The following BCL2L11 variants were observed in gnomAD, a reference collection of about 807,000 sequenced individuals.
The protein encoded by BCL2L11 is BCL2 like 11.
Under a neutral mutation model 20.6 loss-of-function variants are expected in BCL2L11, and 15 were observed. That is an observed-to-expected ratio of 0.73 (90% CI 0.49 to 1.12). The LOEUF is 1.12. BCL2L11 is among the 50% of genes most tolerant of loss of function. BCL2L11 has a pLI of 0.00. For synonymous variants in BCL2L11, 108 were observed against 92.8 expected (o/e 1.16, Z -0.94); for missense variants, 292 against 260.9 (o/e 1.12, Z -0.82).
intron 2 of BCL2L11, chr2:111,145,905 T>C (rs1180488696): frequency 1.1e-6 from 1 of 942,936 alleles, no homozygotes; most frequent in Non-Finnish European, 1.3e-6. Flanking sequence ...TATAAAAGTT[T>C]TGATTAGTGG....
At position 111,123,294 on chromosome 2, in the gene BCL2L11, C is replaced by T. The variant is rs1019042353; in HGVS notation, c.-13-439C>T. The T allele has an allele frequency of 7.1e-6, 7 of 985,390 alleles. No individual in the cohort carries two copies. The South Asian group carries it at 2.8e-4, about 40-fold the overall frequency. The allele number at this position is 985,390 out of a possible 1,614,324, so 61.0% of individuals were successfully genotyped here. On this transcript the variant is annotated intron_variant, in intron 1 of 3. Transcript: ENST00000393256. ...TCAGCATTTTCGGCAAACAATGGGG[C>T]CGGAGCAGGGAACGCGGCCAGCCGC...
chr2:111,139,447 A>G (rs150635513), intron 2 of BCL2L11, among the ~76,000 whole-genome samples: 4 of 152,250 alleles, frequency 2.6e-5, no homozygotes, highest in Non-Finnish European at 5.9e-5. Flanking sequence ...AATAAGGGAT[A>G]CATTGGTTGC....
At chr2:111,159,018 A>G (rs2078239219) in intron 3 of BCL2L11, among the ~76,000 whole-genome samples, 1 of 152,210 alleles carries the variant, frequency 6.6e-6, no homozygotes, top group Non-Finnish European at 1.5e-5. Context: ...AGTGGGCTGT[A>G]TTCTGAGCTG....
At chr2:111,156,135 T>C (rs1377929603) in intron 3 of BCL2L11, among the ~76,000 whole-genome samples, 1 of 141,600 alleles carries the variant, frequency 7.1e-6, no homozygotes, top group Non-Finnish European at 1.5e-5. Flanking sequence ...GCTTGGTAAT[T>C]GCACAAACTG....
chr2:111,129,505 A>G (rs13384042), intron 2 of BCL2L11, among the ~76,000 whole-genome samples: 2,108 of 152,380 alleles, frequency 0.014, 55 homozygotes, highest in African/African-American at 0.048. Flanking sequence ...AAGAAATTGT[A>G]TATGCCATTC....
intron 2 of BCL2L11, among the ~76,000 whole-genome samples, chr2:111,141,800 G>C (rs1029603006): frequency 6.6e-6 from 1 of 151,228 alleles, no homozygotes; most frequent in Non-Finnish European, 1.5e-5. Context: ...CCAGGTTCAC[G>C]CGATTCTCCT....
chr2:111,156,390 A>G, intron 3 of BCL2L11, among the ~76,000 whole-genome samples: 1 of 149,242 alleles, frequency 6.7e-6, no homozygotes, highest in East Asian at 2.0e-4. Context: ...GCTTAGATAA[A>G]TTGGTACCTG....
intron 2 of BCL2L11, among the ~76,000 whole-genome samples, chr2:111,136,569 CA>C (rs1478163262): frequency 6.6e-6 from 1 of 152,188 alleles, no homozygotes; most frequent in African/African-American, 2.4e-5. Flanking sequence ...TTACAAACAA[CA>C]GAAGTTTATT....
intron 2 of BCL2L11, among the ~76,000 whole-genome samples, chr2:111,146,877 C>T (rs897859839): frequency 3.9e-5 from 6 of 152,056 alleles, no homozygotes; most frequent in Non-Finnish European, 8.8e-5. Flanking sequence ...CCATGTACTA[C>T]TGTGTGCATA....
chr2:111,142,403 TTC>T lies in BCL2L11; in HGVS notation c.395-7639_395-7638del, dbSNP rs567082237. 160 of 1,547,572 alleles carry T rather than the reference TTC, an allele frequency of 1.0e-4. No individual in the cohort carries two copies. The South Asian group carries it at 1.7e-3, about 16-fold the overall frequency. Reference sequence around the variant, plus strand: ...TTAGCAAAATCAAGGTGAAAAGTTTTTCTTTTTATTCAAAATGGGATAAAAAG... The same window carrying T: ...TTAGCAAAATCAAGGTGAAAAGTTTTTTTTTATTCAAAATGGGATAAAAAG... On this transcript the variant is annotated intron_variant, in intron 2 of 3. Coordinates refer to ENST00000393256, the MANE Select transcript of BCL2L11 (RefSeq NM_138621.5).
Position 111,120,979 on chromosome 2 carries a change from T to TGCCGCCGCTGCCGCC in BCL2L11, c.-215_-214insTGCCGCCGCCGCCGC, listed in dbSNP as rs1553483234. 29 of 305,244 alleles carry TGCCGCCGCTGCCGCC rather than the reference T, an allele frequency of 9.5e-5. No individual in the cohort carries two copies. Among genetic ancestry groups the TGCCGCCGCTGCCGCC allele is most frequent in the African/African-American group, 6.6e-4 (28 of 42,288 alleles). 18.9% of individuals were successfully genotyped at this position (305,244 alleles called of 1,614,324 possible). ...GCTCTGCGTCCAGCGCCGCTGCCGC[T>TGCCGCCGCTGCCGCC]GCCGCCGCCGCCGCCGCCGCCGCCG... On this transcript the variant is annotated 5_prime_UTR_variant, in exon 1 of 4. Coordinates refer to ENST00000393256, the MANE Select transcript of BCL2L11 (RefSeq NM_138621.5).
chr2:111,142,270 G>T, intron 2 of BCL2L11: 3 of 1,498,432 alleles, frequency 2.0e-6, no homozygotes, highest in African/African-American at 1.4e-5. Flanking sequence ...TGTCTGGGAA[G>T]ACATGGCACA....
At chr2:111,122,745 G>A in intron 1 of BCL2L11, 4 of 985,342 alleles carry the variant, frequency 4.1e-6, no homozygotes, top group Non-Finnish European at 4.8e-6. Context: ...CGGCGGGCTG[G>A]CGGGAAGGCG....
intron 3 of BCL2L11, 169 bp downstream of exon 3, chr2:111,150,316 A>T (rs760222674): frequency 8.8e-6 from 12 of 1,365,966 alleles, no homozygotes; most frequent in South Asian, 1.3e-5. Context: ...CATTTGTTTT[A>T]TGACTAAGTA....
In BCL2L11 at chr2:111,167,951, G is replaced by A. The variant is rs1161778900; in HGVS notation, c.*3720G>A. On this transcript the variant is annotated 3_prime_UTR_variant, in exon 4 of 4. Transcript: ENST00000393256. ...GAGACTTCATGGTGGTTCCATGCAG[G>A]TGGTTCTGCCATCCCTGCTGATTTA... 1 of 152,670 alleles carries A rather than the reference G, an allele frequency of 6.6e-6. No individual in the cohort carries two copies. Among genetic ancestry groups the A allele is most frequent in the Non-Finnish European group, 1.5e-5 (1 of 68,060 alleles). The allele number at this position is 152,670 out of a possible 1,614,324, so 9.5% of individuals were successfully genotyped here. A position where few individuals can be genotyped will look rare whatever the true frequency, so the allele number is the denominator to read the frequency against.
chr2:111,124,878 C>T (rs2072188766), intron 2 of BCL2L11, among the ~76,000 whole-genome samples: 1 of 152,178 alleles, frequency 6.6e-6, no homozygotes, highest in Admixed American at 6.5e-5. Flanking sequence ...TTGTTTTCTG[C>T]CTAAATTCCT....
At position 111,121,108 on chromosome 2, in the gene BCL2L11, C is replaced by T. The variant is rs1165278767; in HGVS notation, c.-94C>T. 3.4e-6 allele frequency: 1 copy of T among 292,442 alleles called. No homozygotes were observed. The highest frequency in any genetic ancestry group is 6.3e-6 in the Non-Finnish European group (1 of 158,066). 18.1% of individuals were successfully genotyped at this position (292,442 alleles called of 1,614,324 possible). ...CGCGGTATTCGGTTCGCTGCGTTCCCGCCGCCACCGCCTCGGCGCCCTTTC... is the reference window on the plus strand; with the variant it reads ...CGCGGTATTCGGTTCGCTGCGTTCCTGCCGCCACCGCCTCGGCGCCCTTTC... On this transcript the variant is annotated 5_prime_UTR_variant, in exon 1 of 4. Transcript: ENST00000393256.
chr2:111,157,488 C>T (rs543527208), intron 3 of BCL2L11, among the ~76,000 whole-genome samples: 1 of 152,246 alleles, frequency 6.6e-6, no homozygotes, highest in South Asian at 2.1e-4. Flanking sequence ...AATATTCCAA[C>T]TACTGGTGCC....
intron 1 of BCL2L11, chr2:111,123,400 T>A: frequency 1.0e-6 from 1 of 985,472 alleles, no homozygotes; most frequent in Non-Finnish European, 1.2e-6. Context: ...TGGGAGTTTC[T>A]GACTTACTCG....
Sources: allele counts gnomAD v4.1 joint callset (sites outside exome capture counted in the v4.1 genomes callset), GRCh38; gene constraint gnomAD v4.1.1; transcripts MANE v1.5; gene names NCBI Gene and HGNC (gene_info 2026-07-23, HGNC 2026-07-21).